The following RFC3 variants were observed in gnomAD, a reference collection of about 807,000 sequenced individuals.
The protein encoded by RFC3 is A1 38 kDa subunit.
Under a neutral mutation model 45.1 loss-of-function variants are expected in RFC3, and 41 were observed. The observed-to-expected ratio is 0.91, with a 90% CI of 0.71 to 1.18. The LOEUF is 1.18. Among genes scored for constraint, RFC3 ranks in the 50% most tolerant of loss-of-function variants. The probability of loss-of-function intolerance (pLI) is 0.00; values close to 1 mark genes in which losing one functional copy is unlikely to be tolerated. For synonymous variants in RFC3, 149 were observed against 144.0 expected (o/e 1.03, Z -0.25); for missense variants, 423 against 428.1 (o/e 0.99, Z 0.10).
chr13:33,833,917 G>A (rs532420522), intron 7 of RFC3, among the ~76,000 whole-genome samples: 2 of 152,100 alleles, frequency 1.3e-5, no homozygotes, highest in South Asian at 2.1e-4. Flanking sequence ...GTATTGCAGC[G>A]AACCTAGTAC....
At chr13:33,884,432 C>T (rs1260886132) in intron 8 of RFC3, among the ~76,000 whole-genome samples, 1 of 152,198 alleles carries the variant, frequency 6.6e-6, no homozygotes, top group African/African-American at 2.4e-5. Flanking sequence ...TTTAGAAGAG[C>T]AGTCTTTGAA....
At chr13:33,930,348 A>C in intron 8 of RFC3, among the ~76,000 whole-genome samples, 1 of 152,148 alleles carries the variant, frequency 6.6e-6, no homozygotes, top group East Asian at 1.9e-4. Context: ...AAAGCCCCTC[A>C]GAAACCACTG....
rs187448638 is a variant in RFC3 at position 33,931,838 on chromosome 13, C to T, written c.880-34249C>T. Among the ~76,000 whole-genome samples the T allele has an allele frequency of 1.6e-4, 25 of 151,908 alleles. No homozygotes were observed. The East Asian group carries it at 2.7e-3, about 16-fold the overall frequency. On this transcript the variant is annotated intron_variant, in intron 8 of 8. Transcript: ENST00000434425. ...TTTTTTAATGAATTCTTTTTAACACCTTCATTATAAAGTCAAATTCTGTTC... is the reference window on the plus strand; with the variant it reads ...TTTTTTAATGAATTCTTTTTAACACTTTCATTATAAAGTCAAATTCTGTTC...
chr13:33,822,149 G>A (rs1336871383), intron 2 of RFC3, among the ~76,000 whole-genome samples: 1 of 152,206 alleles, frequency 6.6e-6, no homozygotes, highest in East Asian at 1.9e-4. Context: ...TTGAGTTTGA[G>A]ATGCTGGTTG....
At chr13:33,909,813 G>A (rs982673045) in intron 8 of RFC3, among the ~76,000 whole-genome samples, 17 of 152,122 alleles carry the variant, frequency 1.1e-4, no homozygotes, top group African/African-American at 3.6e-4. Flanking sequence ...TTGACATCTC[G>A]TAGGAAAGAT....
chr13:33,973,117 C>A, the RFC3 span, among the ~76,000 whole-genome samples: 2 of 152,160 alleles, frequency 1.3e-5, no homozygotes, highest in East Asian at 3.9e-4. Context: ...AGAGCAAAGA[C>A]AACACATATC....
chr13:33,829,549 C>T (rs3135597), intron 4 of RFC3: 214 of 311,844 alleles, frequency 6.9e-4, no homozygotes, highest in African/African-American at 4.4e-3. Flanking sequence ...GCCCTGCCAA[C>T]GCAAGGTCTC....
At chr13:33,976,425 G>A in the RFC3 span, among the ~76,000 whole-genome samples, 1 of 152,138 alleles carries the variant, frequency 6.6e-6, no homozygotes, top group Non-Finnish European at 1.5e-5. Flanking sequence ...GGAAGCCGGG[G>A]AGAGCAGAGA....
At chr13:33,966,357 ACTCAT>A (rs1338269075) in exon 9 of RFC3, 7 of 584,042 alleles carry the variant, frequency 1.2e-5, no homozygotes, top group Non-Finnish European at 1.8e-5. Flanking sequence ...CCTTCAAAAC[ACTCAT>A]CTCCTCTGTA....
intron 4 of RFC3, among the ~76,000 whole-genome samples, chr13:33,829,260 A>G (rs1027369826): frequency 6.6e-6 from 1 of 152,176 alleles, no homozygotes; most frequent in African/African-American, 2.4e-5. Flanking sequence ...TGGTGGCCAG[A>G]TATCCTCATG....
rs769820964 is a variant in RFC3 at position 33,818,226 on chromosome 13, G to GGAC, written c.49_51dup (p.Asp17dup). The GGAC allele has an allele frequency of 1.9e-6, 3 of 1,613,614 alleles. No individual in the cohort carries two copies. The Admixed American group carries it at 5.0e-5, about 27-fold the overall frequency. ...ATCGGCCCTGCTCCTTGGGACGGCT[G>GGAC]GACTATCACAAGGAGCAGGCGGCCC... On this transcript the variant is annotated inframe_insertion, in exon 1 of 9. Transcript: ENST00000380071.
At chr13:33,905,624 A>G (rs2082667856) in intron 8 of RFC3, among the ~76,000 whole-genome samples, 1 of 152,018 alleles carries the variant, frequency 6.6e-6, no homozygotes, top group Non-Finnish European at 1.5e-5. Context: ...TTCCCCTATA[A>G]TAGTCAATGT....
chr13:33,920,025 T>G (rs559285719), intron 8 of RFC3, among the ~76,000 whole-genome samples: 198 of 152,294 alleles, frequency 1.3e-3, no homozygotes, highest in Non-Finnish European at 1.5e-3. Flanking sequence ...AATTTTACTC[T>G]TGTTCCTGCC....
chr13:33,970,290 A>T (rs1347961878), downstream of RFC3, among the ~76,000 whole-genome samples: 1 of 152,210 alleles, frequency 6.6e-6, no homozygotes, highest in Non-Finnish European at 1.5e-5. Flanking sequence ...GCTGCATAGT[A>T]TTCCATGGTA....
intron 8 of RFC3, among the ~76,000 whole-genome samples, chr13:33,897,763 A>G (rs2082610426): frequency 6.6e-6 from 1 of 152,106 alleles, no homozygotes; most frequent in African/African-American, 2.4e-5. Flanking sequence ...AGGCAGAAGT[A>G]TCTATAATAT....
chr13:33,923,659 A>C (rs923867301), intron 8 of RFC3, among the ~76,000 whole-genome samples: 1 of 152,122 alleles, frequency 6.6e-6, no homozygotes, highest in Admixed American at 6.5e-5. Context: ...TGGGAAAGAC[A>C]ACCACAGGAG....
chr13:33,956,704 A>G (rs945784661), intron 8 of RFC3, among the ~76,000 whole-genome samples: 10 of 152,194 alleles, frequency 6.6e-5, no homozygotes, highest in Non-Finnish European at 1.3e-4. Flanking sequence ...AAGCTGGGTA[A>G]AGCACTAGAT....
At chr13:33,857,228 C>T (rs1200559829) in intron 8 of RFC3, among the ~76,000 whole-genome samples, 4 of 152,158 alleles carry the variant, frequency 2.6e-5, no homozygotes, top group East Asian at 1.9e-4. Flanking sequence ...TTCAAGATAG[C>T]GTCCAATCTC....
At chr13:33,934,663 A>G (rs1307609901) in intron 8 of RFC3, among the ~76,000 whole-genome samples, 3 of 152,110 alleles carry the variant, frequency 2.0e-5, no homozygotes, top group African/African-American at 7.2e-5. Flanking sequence ...CTCGGCAGCC[A>G]CCAGTCTTGC....
Sources: gnomAD v4.1 joint callset for allele counts (sites outside exome capture counted in the v4.1 genomes callset) on GRCh38, gnomAD v4.1.1 for gene constraint, MANE v1.5 for transcripts, NCBI Gene and HGNC (gene_info 2026-07-23, HGNC 2026-07-21) for gene names.